Variants in NFIA observed in about 807,000 individuals in gnomAD.
NFIA encodes nuclear factor 1 A-type.
Under a neutral mutation model 62.8 loss-of-function variants are expected in NFIA, and 8 were observed. The ratio of observed to expected loss-of-function variants is 0.13; its 90% CI spans 0.07 to 0.23. NFIA has a LOEUF of 0.23. NFIA is among the 10% of genes least tolerant of loss of function. The probability of loss-of-function intolerance (pLI) is 1.00; values close to 1 mark genes in which losing one functional copy is unlikely to be tolerated. For missense variants in NFIA, 410 were observed against 642.1 expected (o/e 0.64, Z 3.91); for synonymous variants, 235 against 238.1 (o/e 0.99, Z 0.12).
intron 3 of NFIA, among the ~76,000 whole-genome samples, chr1:61,330,144 T>G (rs1661214106): frequency 6.6e-6 from 1 of 152,116 alleles, no homozygotes; most frequent in South Asian, 2.1e-4. Flanking sequence ...TTGCGCATGT[T>G]GGTTCTAAGA....
At chr1:61,237,756 A>G (rs1392820477) in intron 2 of NFIA, among the ~76,000 whole-genome samples, 1 of 152,102 alleles carries the variant, frequency 6.6e-6, no homozygotes, top group Non-Finnish European at 1.5e-5. Context: ...ATTTACCCTT[A>G]CCACTTTGCT....
intron 9 of NFIA, among the ~76,000 whole-genome samples, chr1:61,420,997 C>G (rs1666592675): frequency 6.6e-6 from 1 of 152,198 alleles, no homozygotes; most frequent in Admixed American, 6.5e-5. Context: ...TCCACAATTG[C>G]CAGCTCCGTT....
At chr1:61,083,772 G>A (rs895084685) in intron 1 of NFIA, among the ~76,000 whole-genome samples, 2 of 151,064 alleles carry the variant, frequency 1.3e-5, no homozygotes, top group Non-Finnish European at 3.0e-5. Flanking sequence ...CGCCGCCGCC[G>A]CCACCACCAC....
At chr1:61,220,334 C>T (rs1239167406) in intron 2 of NFIA, among the ~76,000 whole-genome samples, 1 of 152,170 alleles carries the variant, frequency 6.6e-6, no homozygotes, top group Admixed American at 6.5e-5. Flanking sequence ...TTGATGCCAT[C>T]CCCTCCATTT....
chr1:61,429,452 G>A (rs896261229), intron 10 of NFIA, among the ~76,000 whole-genome samples: 4 of 152,302 alleles, frequency 2.6e-5, no homozygotes, highest in East Asian at 3.9e-4. Flanking sequence ...TTATGAGCTG[G>A]TGAGCTCTTT....
chr1:61,315,226 T>G (rs930994658), intron 3 of NFIA, among the ~76,000 whole-genome samples: 4 of 152,190 alleles, frequency 2.6e-5, no homozygotes, highest in African/African-American at 9.7e-5. Context: ...ATCATGTCCC[T>G]TATGGCATTG....
At chr1:61,281,208 A>T (rs1422582489) in intron 3 of NFIA, among the ~76,000 whole-genome samples, 1 of 151,780 alleles carries the variant, frequency 6.6e-6, no homozygotes, top group Non-Finnish European at 1.5e-5. Flanking sequence ...CACTTCATCC[A>T]GCCTGGGTGA....
intron 2 of NFIA, among the ~76,000 whole-genome samples, chr1:61,101,546 G>A (rs1646509144): frequency 6.6e-6 from 1 of 152,048 alleles, no homozygotes; most frequent in South Asian, 2.1e-4. Flanking sequence ...AAATGAAACA[G>A]CAGGAGAACG....
chr1:61,455,527 A>T lies in NFIA; in HGVS notation c.*207A>T, dbSNP rs74089375. On this transcript the variant is annotated 3_prime_UTR_variant, in exon 11 of 11. Transcript: ENST00000403491. ...AACCTTTTGGGATTTTTTTTTTTTT[A>T]AAATACTTTAGGGACTGTTGTAATT... is the stretch of plus-strand genomic sequence containing the variant. The T allele has an allele frequency of 0.055, 30,051 of 544,702 alleles. 660 individuals are homozygous for T. Among genetic ancestry groups the T allele is most frequent in the South Asian group, 0.12 (4,769 of 40,798 alleles). 33.7% of individuals were successfully genotyped at this position (544,702 alleles called of 1,614,324 possible).
chr1:61,148,643 A>T (rs997672282), intron 2 of NFIA, among the ~76,000 whole-genome samples: 1 of 152,232 alleles, frequency 6.6e-6, no homozygotes, highest in African/African-American at 2.4e-5. Context: ...TTGCATGTAC[A>T]TCTTCCAAAC....
chr1:61,291,199 G>A (rs545509326), intron 3 of NFIA, among the ~76,000 whole-genome samples: 16 of 152,300 alleles, frequency 1.1e-4, no homozygotes, highest in Non-Finnish European at 2.2e-4. Context: ...GGTGCTGCCC[G>A]TCATCTCCAT....
intron 2 of NFIA, among the ~76,000 whole-genome samples, chr1:61,137,089 A>G (rs1647208787): frequency 6.6e-6 from 1 of 152,180 alleles, no homozygotes; most frequent in African/African-American, 2.4e-5. Flanking sequence ...GCGTAATCTT[A>G]TGGATCAAGA....
At chr1:61,201,169 C>T (rs534306597) in intron 2 of NFIA, among the ~76,000 whole-genome samples, 2 of 152,100 alleles carry the variant, frequency 1.3e-5, no homozygotes, top group African/African-American at 4.8e-5. Context: ...GTATCACATA[C>T]CCTGATAGCG....
chr1:61,325,940 A>AAC (rs1660914625), intron 3 of NFIA, among the ~76,000 whole-genome samples: 1 of 151,574 alleles, frequency 6.6e-6, no homozygotes, highest in Non-Finnish European at 1.5e-5. Flanking sequence ...CTCAAAAAAA[A>AAC]AAAAAAAAAA....
chr1:61,090,532 G>T (rs951808920), intron 2 of NFIA, among the ~76,000 whole-genome samples: 1 of 152,064 alleles, frequency 6.6e-6, no homozygotes, highest in African/African-American at 2.4e-5. Flanking sequence ...CTTCTTTTTC[G>T]TCGTTGGTTT....
chr1:61,096,027 CT>C (rs1168982013), intron 2 of NFIA, among the ~76,000 whole-genome samples: 1 of 151,916 alleles, frequency 6.6e-6, no homozygotes, highest in Non-Finnish European at 1.5e-5. Flanking sequence ...GTAAAATTCA[CT>C]TTGCTCTGAA....
At chr1:61,251,383 G>T (rs1269408353) in intron 2 of NFIA, 1 of 151,940 alleles carries the variant, frequency 6.6e-6, no homozygotes, top group African/African-American at 2.4e-5. Context: ...AAATGAAGAT[G>T]GTAATGTTTA....
intron 2 of NFIA, among the ~76,000 whole-genome samples, chr1:61,189,065 TA>T (rs2100572553): frequency 6.6e-6 from 1 of 152,292 alleles, no homozygotes; most frequent in South Asian, 2.1e-4. Flanking sequence ...ACCAAGGAGA[TA>T]ACTGTAATCA....
At chr1:61,117,773 T>G (rs1038595741) in intron 2 of NFIA, among the ~76,000 whole-genome samples, 5 of 152,248 alleles carry the variant, frequency 3.3e-5, no homozygotes, top group Non-Finnish European at 7.3e-5. Flanking sequence ...GTACAAGGCT[T>G]TGAGCTTAGT....
Sources: allele counts gnomAD v4.1 joint callset (sites outside exome capture counted in the v4.1 genomes callset), GRCh38; gene constraint gnomAD v4.1.1; transcripts MANE v1.5; gene names NCBI Gene and HGNC (gene_info 2026-07-23, HGNC 2026-07-21).